The following PBRM1 variants were observed in gnomAD, a reference collection of about 807,000 sequenced individuals.
The protein encoded by PBRM1 is protein polybromo-1.
Under a neutral mutation model 194.5 loss-of-function variants are expected in PBRM1, and 27 were observed. The ratio of observed to expected loss-of-function variants is 0.14; its 90% confidence interval spans 0.10 to 0.19. The LOEUF is 0.19. Among genes scored for constraint, PBRM1 ranks in the 10% least tolerant of loss-of-function variants. PBRM1 has a pLI of 1.00. For missense variants in PBRM1, 1,466 were observed against 2,077.2 expected, an observed-to-expected ratio of 0.71 and a Z score of 5.72; for synonymous variants, 655 against 693.2, an observed-to-expected ratio of 0.94 and a Z score of 0.87.
At chr3:52,569,681 T>A (rs924501238) in intron 22 of PBRM1, among the ~76,000 whole-genome samples, 34 of 152,246 alleles carry the variant, frequency 2.2e-4, no homozygotes, top group African/African-American at 7.7e-4. Context: ...GTTCAAGCAT[T>A]CATTCAATAG....
intron 3 of PBRM1, among the ~76,000 whole-genome samples, chr3:52,662,954 C>A (rs894596685): frequency 4.6e-5 from 7 of 151,870 alleles, no homozygotes; most frequent in African/African-American, 1.7e-4. Flanking sequence ...GTTATTAATA[C>A]TTGTGGTTTG....
intron 22 of PBRM1, among the ~76,000 whole-genome samples, chr3:52,565,079 C>T (rs1488184324): frequency 6.6e-6 from 1 of 150,952 alleles, no homozygotes; most frequent in African/African-American, 2.5e-5. Context: ...TGCACCTGTA[C>T]TCCCAGCTAC....
chr3:52,643,411 A>G, intron 8 of PBRM1, 68 bp from the exon 10 acceptor site: 1 of 917,516 alleles, frequency 1.1e-6, no homozygotes, highest in Non-Finnish European at 1.8e-6. Context: ...GTAAACAAAC[A>G]CACACACAAC....
rs1210330820 is a variant in PBRM1 at position 52,634,845 on chromosome 3, G to A, written c.1088-30C>T. 4 of 1,454,568 alleles carry A rather than the reference G, an allele frequency of 2.7e-6. No homozygotes were observed. In the Admixed American group the frequency reaches 7.0e-5, roughly 25 times the overall value. The allele number at this position is 1,454,568 out of a possible 1,614,324, so 90.1% of individuals were successfully genotyped here. The stretch of plus-strand genomic sequence containing the variant: ...AAAGACAAAAAAAGTATTTATAAAG[G>A]GACGAATGAGATGAAGAAAGAACCA... On this transcript the variant is annotated intron_variant, in intron 10 of 29. Transcript: ENST00000296302.
intron 7 of PBRM1, among the ~76,000 whole-genome samples, chr3:52,647,909 TTAAA>T (rs2096371201): frequency 1.4e-5 from 2 of 141,046 alleles, no homozygotes; most frequent in African/African-American, 5.0e-5. Context: ...AACCATTACA[TTAAA>T]TACTTTTTTT....
chr3:52,583,315 C>G (rs1269977897), intron 20 of PBRM1, among the ~76,000 whole-genome samples: 1 of 150,856 alleles, frequency 6.6e-6, no homozygotes. Flanking sequence ...GAGGGTGAGG[C>G]AGCAGAATCA....
At chr3:52,676,227 A>C (rs2097102540) in intron 2 of PBRM1, among the ~76,000 whole-genome samples, 1 of 151,854 alleles carries the variant, frequency 6.6e-6, no homozygotes, top group Non-Finnish European at 1.5e-5. Context: ...TAAATGTAAG[A>C]GCTAAAACTA....
chr3:52,591,021 A>C (rs2092973795), intron 17 of PBRM1, among the ~76,000 whole-genome samples: 1 of 152,132 alleles, frequency 6.6e-6, no homozygotes, highest in African/African-American at 2.4e-5. Context: ...TTTTTGTGGC[A>C]ATTGTGAATG....
In PBRM1 at chr3:52,587,523, G is replaced by A. The variant is rs1401938592; in HGVS notation, c.2966-13C>T. Reference sequence around the variant, plus strand: ...AACCATTTTTCACCTCAAAAATGGGGGGTGGGGGAAGGGGAAGAGAAAGAG... The same window carrying A: ...AACCATTTTTCACCTCAAAAATGGGAGGTGGGGGAAGGGGAAGAGAAAGAG... On this transcript the variant is annotated splice_polypyrimidine_tract_variant and intron_variant, in intron 18 of 29. Coordinates refer to ENST00000296302, the Ensembl canonical transcript of PBRM1. 3 of 1,578,168 alleles carry A rather than the reference G, an allele frequency of 1.9e-6. No homozygotes were observed. Among genetic ancestry groups the A allele is most frequent in the African/African-American group, 2.7e-5 (2 of 72,766 alleles).
intron 6 of PBRM1, among the ~76,000 whole-genome samples, chr3:52,651,252 G>C (rs1355018842): frequency 6.6e-6 from 1 of 152,172 alleles, no homozygotes; most frequent in Non-Finnish European, 1.5e-5. Flanking sequence ...AGGGTAGAGA[G>C]GGCCAAAGAG....
chr3:52,611,110 C>A (rs765130326), intron 15 of PBRM1, among the ~76,000 whole-genome samples: 2 of 152,074 alleles, frequency 1.3e-5, no homozygotes, highest in Non-Finnish European at 2.9e-5. Flanking sequence ...TAAACCAATA[C>A]ATATTTTGAA....
chr3:52,666,093 C>T (rs1391620939), intron 3 of PBRM1, among the ~76,000 whole-genome samples: 4 of 151,872 alleles, frequency 2.6e-5, no homozygotes, highest in Non-Finnish European at 5.9e-5. Flanking sequence ...CAAAAGAAGG[C>T]ATAGAGAAAA....
At chr3:52,652,841 T>A (rs940322528) in intron 5 of PBRM1, among the ~76,000 whole-genome samples, 1 of 151,282 alleles carries the variant, frequency 6.6e-6, no homozygotes, top group African/African-American at 2.4e-5. Flanking sequence ...CCATTAAAAA[T>A]ACAAAAATTA....
At chr3:52,554,594 ACCTTTGGATT>A in intron 27 of PBRM1, 120 bp downstream of exon 29, 1 of 717,984 alleles carries the variant, frequency 1.4e-6, no homozygotes, top group Non-Finnish European at 2.2e-6. Context: ...GCTGCTGACA[ACCTTTGGATT>A]CTCAGGGAGG....
intron 13 of PBRM1, among the ~76,000 whole-genome samples, chr3:52,626,789 A>G (rs1172975682): frequency 6.6e-6 from 1 of 152,214 alleles, no homozygotes; most frequent in Non-Finnish European, 1.5e-5. Flanking sequence ...AGAAGTTATG[A>G]TTTGTTATTT....
At chr3:52,567,807 T>G (rs927657402) in intron 22 of PBRM1, among the ~76,000 whole-genome samples, 13 of 101,392 alleles carry the variant, frequency 1.3e-4, no homozygotes, top group Non-Finnish European at 7.3e-5. Flanking sequence ...AATTTTTGTG[T>G]TTTTTTTTTT....
At chr3:52,681,022 G>A (rs1238143565), upstream of PBRM1, 11 of 151,736 alleles carry the variant, frequency 7.2e-5, no homozygotes, top group African/African-American at 2.7e-4. Context: ...GGGTTCAGAG[G>A]CCCCAAGGTA....
chr3:52,616,743 G>A (rs927567844), intron 14 of PBRM1, among the ~76,000 whole-genome samples: 3 of 152,184 alleles, frequency 2.0e-5, no homozygotes, highest in Admixed American at 6.5e-5. Flanking sequence ...AAATTATTTA[G>A]AGGTACATTT....
chr3:52,642,260 T>C (rs945369785), intron 9 of PBRM1, among the ~76,000 whole-genome samples: 2 of 151,988 alleles, frequency 1.3e-5, no homozygotes, highest in African/African-American at 4.8e-5. Flanking sequence ...GAGTGGAAAA[T>C]AAGGACTCAG....
Sources: gnomAD v4.1 joint callset for allele counts (sites outside exome capture counted in the v4.1 genomes callset) on GRCh38, gnomAD v4.1.1 for gene constraint, MANE v1.5 for transcripts, NCBI Gene and HGNC (gene_info 2026-07-23, HGNC 2026-07-21) for gene names.